DLG2: variants seen among roughly 807,000 people sequenced by gnomAD.
DLG2 encodes disks large homolog 2.
In DLG2, 45 loss-of-function variants were observed where a neutral mutation model predicts 132.5. The observed-to-expected ratio is 0.34, with a 90% confidence interval of 0.27 to 0.44. The LOEUF is 0.44. DLG2 is among the 20% of genes least tolerant of loss of function. The pLI is 1.00. For synonymous variants in DLG2, 424 were observed against 419.6 expected, an observed-to-expected ratio of 1.01 and a Z score of -0.13; for missense variants, 1,045 against 1,196.9, an observed-to-expected ratio of 0.87 and a Z score of 1.87.
At chr11:85,311,207 A>G (rs2080293203) in intron 3 of DLG2, among the ~76,000 whole-genome samples, 2 of 152,168 alleles carry the variant, frequency 1.3e-5, no homozygotes, top group South Asian at 2.1e-4. Context: ...ATCTATATCG[A>G]TGTTGTCCAT....
At chr11:84,175,691 C>T (rs1257933234) in intron 8 of DLG2, among the ~76,000 whole-genome samples, 1 of 152,100 alleles carries the variant, frequency 6.6e-6, no homozygotes, top group Non-Finnish European at 1.5e-5. Flanking sequence ...TTAAAAAGCA[C>T]ATCACTATCT....
chr11:84,460,955 C>A (rs1314442961), intron 7 of DLG2, among the ~76,000 whole-genome samples: 2 of 150,696 alleles, frequency 1.3e-5, no homozygotes, highest in Admixed American at 1.3e-4. Flanking sequence ...TTTTAAGAAG[C>A]AGCTTTTGCA....
chr11:85,449,790 G>GTTTTTTT (rs60329092), intron 3 of DLG2, among the ~76,000 whole-genome samples: 1 of 144,524 alleles, frequency 6.9e-6, no homozygotes, highest in Non-Finnish European at 1.5e-5. Context: ...ACTACCTAAA[G>GTTTTTTT]TTTTTTTTTT....
rs531121983 is a variant in DLG2 at position 85,534,354 on chromosome 11, T to A, written c.40+64303A>T. ...TTCCTCCATGAAATATAATTTTTTT[T>A]AATTTTAGATTTGGGGGTACTTATG... On this transcript the variant is annotated intron_variant, in intron 3 of 27. Coordinates refer to ENST00000376104, the MANE Select transcript of DLG2 (RefSeq NM_001142699.3). Among the ~76,000 whole-genome samples, 1,167 of 152,312 alleles carry A rather than the reference T, an allele frequency of 7.7e-3. 14 individuals carry two copies. The highest frequency in any genetic ancestry group is 0.027 in the African/African-American group (1,129 of 41,554).
intron 6 of DLG2, among the ~76,000 whole-genome samples, chr11:85,059,530 T>G (rs1258388582): frequency 6.6e-6 from 1 of 151,528 alleles, no homozygotes; most frequent in East Asian, 1.9e-4. Context: ...AGTGAACAAA[T>G]AGTGAGGTGT....
intron 3 of DLG2, among the ~76,000 whole-genome samples, chr11:85,481,946 AG>A (rs753567597): frequency 6.6e-6 from 1 of 152,080 alleles, no homozygotes; most frequent in Non-Finnish European, 1.5e-5. Context: ...CTGCAGCCCC[AG>A]GGTCCAGGTC....
intron 9 of DLG2, among the ~76,000 whole-genome samples, chr11:84,155,868 T>G (rs1304492983): frequency 6.6e-6 from 1 of 152,086 alleles, no homozygotes; most frequent in African/African-American, 2.4e-5. Context: ...AGTTTAAACC[T>G]TATCCTAAAG....
chr11:84,758,881 T>C (rs1159174595), intron 6 of DLG2, among the ~76,000 whole-genome samples: 1 of 152,074 alleles, frequency 6.6e-6, no homozygotes, highest in Admixed American at 6.6e-5. Flanking sequence ...TTCTTTCTGT[T>C]TATTTATTTA....
chr11:83,977,891 C>G (rs527744322), intron 12 of DLG2, among the ~76,000 whole-genome samples: 2 of 152,134 alleles, frequency 1.3e-5, no homozygotes, highest in African/African-American at 4.8e-5. Context: ...TGAGTTACTA[C>G]GGGGAAGAAT....
intron 5 of DLG2, among the ~76,000 whole-genome samples, chr11:85,134,088 G>T (rs1320336601): frequency 6.6e-6 from 1 of 151,974 alleles, no homozygotes; most frequent in Admixed American, 6.6e-5. Context: ...GGAAAGCACT[G>T]CCTGACCAAT....
At chr11:84,050,831 T>A (rs184533934) in intron 11 of DLG2, among the ~76,000 whole-genome samples, 110 of 152,042 alleles carry the variant, frequency 7.2e-4, no homozygotes, top group African/African-American at 2.4e-3. Flanking sequence ...TGGTTGTAGA[T>A]ATGTGGCATT....
chr11:84,868,192 T>C (rs2084922791), intron 6 of DLG2, among the ~76,000 whole-genome samples: 1 of 149,310 alleles, frequency 6.7e-6, no homozygotes, highest in African/African-American at 2.5e-5. Context: ...TATGGAAGCA[T>C]GTAACTATCA....
intron 6 of DLG2, among the ~76,000 whole-genome samples, chr11:84,868,051 G>A (rs1184420442): frequency 1.3e-5 from 2 of 150,686 alleles, no homozygotes; most frequent in Non-Finnish European, 3.0e-5. Context: ...TCCAGCCTGG[G>A]CAACAAAGCG....
intron 7 of DLG2, among the ~76,000 whole-genome samples, chr11:84,486,580 G>A (rs1415175506): frequency 6.6e-6 from 1 of 152,020 alleles, no homozygotes; most frequent in Non-Finnish European, 1.5e-5. Flanking sequence ...TTGGAAATAG[G>A]TGTGAAAATC....
intron 4 of DLG2, among the ~76,000 whole-genome samples, chr11:85,232,339 T>C (rs558003277): frequency 1.3e-5 from 2 of 151,970 alleles, no homozygotes; most frequent in Non-Finnish European, 2.9e-5. Flanking sequence ...ATCAAAATTT[T>C]GGAGTGAAAT....
intron 6 of DLG2, chr11:84,923,338 A>G: frequency 3.2e-6 from 4 of 1,245,498 alleles, no homozygotes; most frequent in Non-Finnish European, 4.0e-6. Context: ...CATTATGCCC[A>G]GTAATTTCAA....
chr11:84,749,642 A>G (rs1254099288), intron 6 of DLG2, among the ~76,000 whole-genome samples: 4 of 152,152 alleles, frequency 2.6e-5, no homozygotes, highest in Admixed American at 6.6e-5. Flanking sequence ...TTTGCACAAC[A>G]GTGAAATTGC....
At chr11:85,529,503 C>A (rs1329847911) in intron 3 of DLG2, among the ~76,000 whole-genome samples, 1 of 152,054 alleles carries the variant, frequency 6.6e-6, no homozygotes, top group Non-Finnish European at 1.5e-5. Context: ...TAGTAGTCAT[C>A]TGATAGAAAA....
intron 3 of DLG2, among the ~76,000 whole-genome samples, chr11:85,485,397 G>T (rs2093407320): frequency 6.6e-6 from 1 of 151,412 alleles, no homozygotes; most frequent in Non-Finnish European, 1.5e-5. Flanking sequence ...GATGCAAATT[G>T]TGACATCAAA....
Sources: gnomAD v4.1 joint callset for allele counts (sites outside exome capture counted in the v4.1 genomes callset) on GRCh38, gnomAD v4.1.1 for gene constraint, MANE v1.5 for transcripts, NCBI Gene and HGNC (gene_info 2026-07-23, HGNC 2026-07-21) for gene names.